The following NOVA1 variants were observed in gnomAD, a reference collection of about 807,000 sequenced individuals.
The protein encoded by NOVA1 is NOVA alternative splicing regulator 1.
NOVA1 carries 7 observed loss-of-function variants against 38.0 expected under a neutral mutation model. The ratio of observed to expected loss-of-function variants is 0.18; its 90% CI spans 0.10 to 0.35. NOVA1 has a LOEUF of 0.35. Ranked by LOEUF, NOVA1 falls within the 10% of genes least tolerant of loss-of-function variation. NOVA1 has a pLI of 1.00. For synonymous variants in NOVA1, 270 were observed against 232.5 expected, an observed-to-expected ratio of 1.16 and a Z score of -1.47; for missense variants, 460 against 616.0, an observed-to-expected ratio of 0.75 and a Z score of 2.68.
chr14:26,455,524 T>C (rs1883093867), intron 4 of NOVA1, among the ~76,000 whole-genome samples: 1 of 152,032 alleles, frequency 6.6e-6, no homozygotes, highest in South Asian at 2.1e-4. Flanking sequence ...AATTCTTCAA[T>C]GAACCCTTCC....
At chr14:26,542,018 A>G (rs541585440) in intron 2 of NOVA1, among the ~76,000 whole-genome samples, 2 of 152,056 alleles carry the variant, frequency 1.3e-5, no homozygotes, top group South Asian at 2.1e-4. Context: ...AAGATTCCTA[A>G]GCCAATAAGT....
intron 2 of NOVA1, among the ~76,000 whole-genome samples, chr14:26,551,725 T>C (rs1891171315): frequency 6.6e-6 from 1 of 152,006 alleles, no homozygotes; most frequent in African/African-American, 2.4e-5. Flanking sequence ...AAATCTAAAT[T>C]TGAAGAATCT....
chr14:26,561,544 A>G (rs1891823463), intron 2 of NOVA1, among the ~76,000 whole-genome samples: 1 of 152,132 alleles, frequency 6.6e-6, no homozygotes, highest in Non-Finnish European at 1.5e-5. Context: ...TTATATCCTC[A>G]GCAGGAAGGC....
intron 2 of NOVA1, among the ~76,000 whole-genome samples, chr14:26,558,445 T>C (rs1203323891): frequency 2.0e-5 from 3 of 152,072 alleles, no homozygotes; most frequent in African/African-American, 7.2e-5. Context: ...TGGCAACACT[T>C]TGGACTTTCT....
chr14:26,486,628 G>C (rs1948588056), intron 2 of NOVA1, among the ~76,000 whole-genome samples: 1 of 138,230 alleles, frequency 7.2e-6, no homozygotes, highest in Admixed American at 7.8e-5. Flanking sequence ...AGAATGGCAT[G>C]AACCTGGGAG....
In NOVA1 at chr14:26,448,479, C is replaced by A. The variant is rs1882309805; in HGVS notation, c.1004G>T (p.Gly335Val). 1 of 1,613,796 alleles carries A rather than the reference C, an allele frequency of 6.2e-7. No individual in the cohort carries two copies. The highest frequency in any genetic ancestry group is 8.5e-7 in the Non-Finnish European group (1 of 1,180,006). ...CCCTGTTGCTGCTGCTTGACTGAGA[C>A]CTAAACCTAAAGTGTTGAGATTATA... ...YGYNLNTLGLGLSQAAATGAL... is the reference protein window; with the variant it reads ...YGYNLNTLGLVLSQAAATGAL... The change falls in exon 5 of 5, where the codon GGT becomes GTT. Residue 335 changes from glycine (G) to valine (V), a missense_variant. Physicochemically the swap from Gly to Val is moderately radical, Grantham distance 109 (BLOSUM62 -3). Transcript: ENST00000539517. The surrounding 1 kb of genome is among the most constrained non-coding windows in gnomAD (Gnocchi z 5.3).
At chr14:26,562,404 G>A (rs1030316704) in intron 2 of NOVA1, among the ~76,000 whole-genome samples, 1 of 152,122 alleles carries the variant, frequency 6.6e-6, no homozygotes, top group African/African-American at 2.4e-5. Flanking sequence ...ATATAGTAAG[G>A]CACTCCACAA....
intron 2 of NOVA1, among the ~76,000 whole-genome samples, chr14:26,549,003 G>A (rs1241248538): frequency 6.6e-6 from 1 of 151,918 alleles, no homozygotes; most frequent in Non-Finnish European, 1.5e-5. Flanking sequence ...TGCCTGTAGT[G>A]CCAGCTTCCA....
chr14:26,539,700 A>G (rs1594495667), intron 2 of NOVA1, among the ~76,000 whole-genome samples: 1 of 152,124 alleles, frequency 6.6e-6, no homozygotes, highest in Non-Finnish European at 1.5e-5. Context: ...ACTGCATTTA[A>G]AATGTTATTT....
chr14:26,480,468 A>G (rs1369983720), intron 2 of NOVA1, among the ~76,000 whole-genome samples: 1 of 152,170 alleles, frequency 6.6e-6, no homozygotes. Context: ...AACTGGTAAC[A>G]TGCCAGTAAA....
intron 4 of NOVA1, among the ~76,000 whole-genome samples, chr14:26,456,986 T>A (rs1282910553): frequency 6.6e-6 from 1 of 151,686 alleles, no homozygotes; most frequent in Non-Finnish European, 1.5e-5. Flanking sequence ...CACATATATA[T>A]ATATGTAGTT....
At chr14:26,563,268 A>T (rs1241565623) in intron 2 of NOVA1, among the ~76,000 whole-genome samples, 1 of 151,894 alleles carries the variant, frequency 6.6e-6, no homozygotes, top group Non-Finnish European at 1.5e-5. Flanking sequence ...AACAATTAAC[A>T]TCTTCACAGA....
intron 2 of NOVA1, among the ~76,000 whole-genome samples, chr14:26,499,046 G>A (rs1433654086): frequency 1.3e-5 from 2 of 152,144 alleles, no homozygotes; most frequent in African/African-American, 4.8e-5. Flanking sequence ...CAGGGTGGGA[G>A]TACATGAGGG....
chr14:26,577,214 C>A (rs994323305), intron 2 of NOVA1, among the ~76,000 whole-genome samples: 2 of 152,006 alleles, frequency 1.3e-5, no homozygotes, highest in African/African-American at 4.8e-5. Flanking sequence ...AAATAACATT[C>A]CATGATACAT....
intron 2 of NOVA1, among the ~76,000 whole-genome samples, chr14:26,568,787 A>T (rs1892292071): frequency 6.6e-6 from 1 of 152,172 alleles, no homozygotes; most frequent in African/African-American, 2.4e-5. Flanking sequence ...AATCCCCAGT[A>T]AATACTAACT....
chr14:26,451,053 CATG>C lies in NOVA1; in HGVS notation c.520-2093_520-2091del, dbSNP rs554227180. ...TTTTGTTCAGTGTAATGGTTTCCTG[CATG>C]ATAACCACAAGAAAAGTACAGAAAA... On this transcript the variant is annotated intron_variant, in intron 4 of 4. Transcript: ENST00000539517. Among the ~76,000 whole-genome samples the C allele has an allele frequency of 1.8e-3, 267 of 152,110 alleles. 7 individuals carry two copies. Among genetic ancestry groups the C allele is most frequent in the Admixed American group, 0.017 (258 of 15,288 alleles).
chr14:26,448,122 C>T lies in NOVA1; in HGVS notation c.1361G>A (p.Arg454Lys), dbSNP rs766263962. ...TTCTCCTTTTTTGGAGATCTGTATC[C>T]TTGCACCAGTCAACTCCTGGTATTC... is the stretch of plus-strand genomic sequence containing the variant. ...LVEYQELTGA[R>K]IQISKKGEFV... is the part of the protein sequence containing the mutation. The change falls in exon 5 of 5, where the codon AGG becomes AAG. Residue 454 changes from arginine (R) to lysine (K), a missense_variant. Transcript: ENST00000539517. This position sits in a 1 kb window ranked among gnomAD's most constrained non-coding sequence, Gnocchi z 5.3. 1.6e-5 allele frequency: 26 copies of T among 1,614,122 alleles called. No homozygotes were observed. Among genetic ancestry groups the T allele is most frequent in the Admixed American group, 8.3e-5 (5 of 60,010 alleles).
intron 4 of NOVA1, among the ~76,000 whole-genome samples, chr14:26,468,916 G>A (rs1213692920): frequency 1.3e-5 from 2 of 151,992 alleles, no homozygotes; most frequent in African/African-American, 4.8e-5. Context: ...CAAGGACTAA[G>A]GTTAAAACCA....
chr14:26,546,558 C>CAA (rs1890799871), intron 2 of NOVA1, among the ~76,000 whole-genome samples: 1 of 152,044 alleles, frequency 6.6e-6, no homozygotes, highest in Non-Finnish European at 1.5e-5. Context: ...ATAAATTCTG[C>CAA]AATGAAAAAT....
Sources: gnomAD v4.1 joint callset for allele counts (sites outside exome capture counted in the v4.1 genomes callset) on GRCh38, gnomAD v4.1.1 for gene constraint, Gnocchi (gnomAD v3.1) non-coding constraint, MANE v1.5 for transcripts, NCBI Gene and HGNC (gene_info 2026-07-23, HGNC 2026-07-21) for gene names.